CAST: variants seen among roughly 807,000 people sequenced by gnomAD.
The protein encoded by CAST is calpastatin.
A neutral mutation model predicts 119.6 loss-of-function variants in CAST; 76 were observed. The observed-to-expected ratio is 0.64, with a 90% CI of 0.53 to 0.77. CAST has a LOEUF of 0.77. Ranked by LOEUF, CAST falls within the 30% of genes least tolerant of loss-of-function variation. The pLI is 0.00. For synonymous variants in CAST, 319 were observed against 331.6 expected, an observed-to-expected ratio of 0.96 and a Z score of 0.41; for missense variants, 953 against 946.5, an observed-to-expected ratio of 1.01 and a Z score of -0.09.
chr5:96,441,664 T>C, the CAST span, among the ~76,000 whole-genome samples: 1 of 152,134 alleles, frequency 6.6e-6, no homozygotes, highest in Non-Finnish European at 1.5e-5. Flanking sequence ...TATTATTAAG[T>C]ATGATGGAAA....
chr5:96,156,406 G>A, the CAST span, among the ~76,000 whole-genome samples: 3 of 152,282 alleles, frequency 2.0e-5, no homozygotes, highest in African/African-American at 7.2e-5. Flanking sequence ...CCAGTAGAAA[G>A]CATCTCTTCT....
chr5:96,083,330 G>A, the CAST span, among the ~76,000 whole-genome samples: 9 of 152,182 alleles, frequency 5.9e-5, no homozygotes, highest in Admixed American at 2.0e-4. Context: ...AGAGAGAGGA[G>A]GGACATTGTG....
At chr5:96,284,704 A>G in the CAST span, among the ~76,000 whole-genome samples, 1 of 149,254 alleles carries the variant, frequency 6.7e-6, no homozygotes, top group South Asian at 2.1e-4. Flanking sequence ...AGAAAATACC[A>G]GGAGGAAAGT....
At chr5:96,407,941 T>C in the CAST span, among the ~76,000 whole-genome samples, 1 of 152,232 alleles carries the variant, frequency 6.6e-6, no homozygotes, top group African/African-American at 2.4e-5. Flanking sequence ...CATATTGATT[T>C]AGACAGGAGA....
chr5:96,556,611 G>A (rs1045952910), intron 1 of CAST, among the ~76,000 whole-genome samples: 9 of 152,190 alleles, frequency 5.9e-5, no homozygotes, highest in Admixed American at 6.5e-5. Context: ...GGGTATCAGT[G>A]ATGGAAGACC....
the CAST span, among the ~76,000 whole-genome samples, chr5:96,185,440 T>C: frequency 6.6e-6 from 1 of 152,252 alleles, no homozygotes; most frequent in Non-Finnish European, 1.5e-5. Flanking sequence ...ATGTCCTGAA[T>C]GATATTGCCT....
the CAST span, among the ~76,000 whole-genome samples, chr5:96,053,023 G>A: frequency 1.3e-5 from 2 of 152,086 alleles, no homozygotes; most frequent in African/African-American, 2.4e-5. Context: ...CAGTTGGAAG[G>A]TGATTCAGCT....
the CAST span, among the ~76,000 whole-genome samples, chr5:96,105,529 G>A: frequency 6.6e-6 from 1 of 152,096 alleles, no homozygotes; most frequent in Non-Finnish European, 1.5e-5. Context: ...TTATATGCTG[G>A]ATTACATTTA....
At chr5:96,044,993 A>G in the CAST span, among the ~76,000 whole-genome samples, 2 of 152,224 alleles carry the variant, frequency 1.3e-5, no homozygotes, top group East Asian at 3.8e-4. Context: ...CAGGCCTTCT[A>G]GAGGTCTAAT....
intron 3 of CAST, among the ~76,000 whole-genome samples, chr5:96,712,297 T>G (rs1044696144): frequency 6.6e-6 from 1 of 152,184 alleles, no homozygotes; most frequent in African/African-American, 2.4e-5. Flanking sequence ...TCCAAAGCCA[T>G]TCTTCTAACC....
chr5:96,558,868 T>A (rs192138298), intron 1 of CAST, among the ~76,000 whole-genome samples: 65 of 152,256 alleles, frequency 4.3e-4, no homozygotes, highest in African/African-American at 1.4e-3. Flanking sequence ...GAGGCCAGCA[T>A]CATCCTGATA....
chr5:96,608,360 C>G (rs578110601), intron 1 of CAST, among the ~76,000 whole-genome samples: 1 of 152,152 alleles, frequency 6.6e-6, no homozygotes, highest in Non-Finnish European at 1.5e-5. Context: ...TCTCTGAGAG[C>G]TTGTTTCCTT....
chr5:96,343,600 C>A, the CAST span, among the ~76,000 whole-genome samples: 1 of 152,176 alleles, frequency 6.6e-6, no homozygotes, highest in Non-Finnish European at 1.5e-5. Flanking sequence ...CTGAGAAACA[C>A]ACAAAGGATT....
chr5:96,301,634 A>G, the CAST span, among the ~76,000 whole-genome samples: 2 of 152,192 alleles, frequency 1.3e-5, no homozygotes. Flanking sequence ...GCCGAAACAA[A>G]GGGGCTACAG....
intron 1 of CAST, among the ~76,000 whole-genome samples, chr5:96,541,916 T>A (rs928120927): frequency 6.6e-6 from 1 of 152,224 alleles, no homozygotes; most frequent in African/African-American, 2.4e-5. Context: ...ATTAGTAAAG[T>A]GGCTATGAAG....
At chr5:96,651,195 C>A (rs142776139) in intron 1 of CAST, among the ~76,000 whole-genome samples, 251 of 152,300 alleles carry the variant, frequency 1.6e-3, no homozygotes, top group Non-Finnish European at 1.5e-3. Context: ...GTGCCCTGGG[C>A]TCCTCAGCAA....
intron 1 of CAST, among the ~76,000 whole-genome samples, chr5:96,628,797 G>A (rs1417146785): frequency 6.6e-6 from 1 of 152,020 alleles, no homozygotes; most frequent in East Asian, 1.9e-4. Flanking sequence ...TTGTTTCCCT[G>A]CACGATTAGC....
Position 96,736,260 on chromosome 5 carries a change from C to CTTCT in CAST, c.699+21_699+24dup. On this transcript the variant is annotated intron_variant, in intron 10 of 31. Transcript: ENST00000675179. Reference sequence around the variant, plus strand: ...GGAAAGGTATGAAGACAACAGTGTCCTTCTACATGAGACAGTTACTCATAT... The same window carrying CTTCT: ...GGAAAGGTATGAAGACAACAGTGTCCTTCTTTCTACATGAGACAGTTACTCATAT... 6.6e-7 allele frequency: 1 copy of CTTCT among 1,521,924 alleles called. No homozygotes were observed. The highest frequency in any genetic ancestry group is 9.1e-7 in the Non-Finnish European group (1 of 1,099,682). 94.3% of individuals were successfully genotyped at this position (1,521,924 alleles called of 1,614,324 possible). A position where few individuals can be genotyped will look rare whatever the true frequency, so the allele number is the denominator to read the frequency against.
At position 96,774,082 on chromosome 5, in the gene CAST, A is replaced by G. The variant is rs1050871634; in HGVS notation, c.*1466A>G. 1.2e-4 allele frequency: 19 copies of G among 152,894 alleles called. No individual in the cohort carries two copies. The highest frequency in any genetic ancestry group is 4.1e-4 in the African/African-American group (17 of 41,580). 9.5% of individuals were successfully genotyped at this position (152,894 alleles called of 1,614,324 possible). A position where few individuals can be genotyped will look rare whatever the true frequency, so the allele number is the denominator to read the frequency against. On this transcript the variant is annotated 3_prime_UTR_variant, in exon 32 of 32. Transcript: ENST00000675179. ...ATTCTATTTTTAAGGCAGCAACAAG[A>G]AAAGAAAAAACACTTTTCCTGAGGG...
Sources: allele counts gnomAD v4.1 joint callset (sites outside exome capture counted in the v4.1 genomes callset), GRCh38; gene constraint gnomAD v4.1.1; transcripts MANE v1.5; gene names NCBI Gene and HGNC (gene_info 2026-07-23, HGNC 2026-07-21).